The following SLC29A4 variants were observed in gnomAD, a reference collection of about 807,000 sequenced individuals.
SLC29A4 encodes solute carrier family 29 member 4.
SLC29A4 carries 36 observed loss-of-function variants against 43.9 expected under a neutral mutation model. The observed-to-expected ratio is 0.82, with a 90% CI of 0.63 to 1.08. The LOEUF is 1.08. Ranked by LOEUF, SLC29A4 falls within the 50% of genes least tolerant of loss-of-function variation. The probability of loss-of-function intolerance (pLI) is 0.00; values close to 1 mark genes in which losing one functional copy is unlikely to be tolerated. For missense variants in SLC29A4, 869 were observed against 755.3 expected (o/e 1.15, Z -1.77); for synonymous variants, 491 against 338.0 (o/e 1.45, Z -4.97).
intron 6 of SLC29A4, 64 bp downstream of exon 6, chr7:5,294,998 C>G (rs967656999): frequency 7.1e-7 from 1 of 1,404,432 alleles, no homozygotes; most frequent in Non-Finnish European, 9.7e-7. Flanking sequence ...GAAGCTTCTT[C>G]CCAGGGACTC....
intron 7 of SLC29A4, among the ~76,000 whole-genome samples, chr7:5,297,862 G>T (rs866575579): frequency 2.0e-5 from 3 of 152,286 alleles, no homozygotes; most frequent in Non-Finnish European, 4.4e-5. Flanking sequence ...TAGCACAGAG[G>T]CACTGCCCCT....
In SLC29A4 at chr7:5,300,545, C is replaced by T. The variant is rs1328760738; in HGVS notation, c.1333C>T (p.His445Tyr). Residue 445 changes from histidine to tyrosine, a missense_variant, in exon 10 of 11, where the codon CAC (histidine) becomes TAC (tyrosine). Physicochemically the swap from His to Tyr is moderately conservative, Grantham distance 83. Transcript: ENST00000396872. ...VYPSGMPALR[H>Y]PAWPCIFSLL... ...CCCCAGCGGCATGCCCGCCCTCCGT[C>T]ACCCCGCCTGGCCCTGCATCTTCTC... 6.2e-7 allele frequency: 1 copy of T among 1,612,368 alleles called. No homozygotes were observed. The highest frequency in any genetic ancestry group is 8.5e-7 in the Non-Finnish European group (1 of 1,179,754).
chr7:5,289,838 A>G (rs1192857670), intron 2 of SLC29A4, among the ~76,000 whole-genome samples: 1 of 152,112 alleles, frequency 6.6e-6, no homozygotes, highest in Non-Finnish European at 1.5e-5. Flanking sequence ...CCCCTTCCCC[A>G]GAAGGACAGG....
chr7:5,287,456 C>T (rs111423786), intron 1 of SLC29A4, among the ~76,000 whole-genome samples: 8 of 151,594 alleles, frequency 5.3e-5, no homozygotes, highest in African/African-American at 1.9e-4. Flanking sequence ...TACCAGGTGA[C>T]ATTGCTTATC....
At chr7:5,283,874 T>C (rs1182572617) in intron 1 of SLC29A4, among the ~76,000 whole-genome samples, 4 of 152,214 alleles carry the variant, frequency 2.6e-5, no homozygotes, top group Non-Finnish European at 5.9e-5. Context: ...CCTTCCTGGC[T>C]GGCCGGAGGA....
intron 1 of SLC29A4, among the ~76,000 whole-genome samples, chr7:5,285,150 A>G (rs940818632): frequency 6.6e-5 from 10 of 151,952 alleles, no homozygotes; most frequent in Non-Finnish European, 1.3e-4. Context: ...ACGACTCTTG[A>G]GCTCAGGCTC....
intron 10 of SLC29A4, among the ~76,000 whole-genome samples, chr7:5,301,869 G>A (rs1786190893): frequency 1.3e-5 from 2 of 152,190 alleles, no homozygotes; most frequent in African/African-American, 4.8e-5. Flanking sequence ...TTGGGGTTGG[G>A]TTTGGGACTT....
In SLC29A4 at chr7:5,302,998, G is replaced by A. The variant is rs1247304113; in HGVS notation, c.*59G>A. 4.5e-6 allele frequency: 7 copies of A among 1,558,256 alleles called. No homozygotes were observed. The South Asian group carries it at 7.0e-5, about 16-fold the overall frequency. ...CCTGACCAGGGGCCCCGAGGCCTGA[G>A]GGCCCCTCCCCTGTCCCCACCTCAG... is the stretch of plus-strand genomic sequence containing the variant. On this transcript the variant is annotated 3_prime_UTR_variant, in exon 11 of 11. Coordinates refer to ENST00000396872, the MANE Select transcript of SLC29A4 (RefSeq NM_153247.4).
intron 5 of SLC29A4, 25 bp downstream of exon 5, chr7:5,291,846 G>T (rs113364007): frequency 2.5e-6 from 4 of 1,604,772 alleles, no homozygotes; most frequent in Non-Finnish European, 3.4e-6. Context: ...CCAAGGGGGA[G>T]GCCTTGAGTG....
intron 5 of SLC29A4, among the ~76,000 whole-genome samples, chr7:5,294,265 A>G (rs1394309359): frequency 2.6e-5 from 4 of 152,154 alleles, no homozygotes; most frequent in African/African-American, 4.8e-5. Flanking sequence ...TTAGTTAGAC[A>G]AAGACTGCCC....
rs369815829 is a variant in SLC29A4 at position 5,290,766 on chromosome 7, C to T, written c.204C>T (p.His68=). The change falls in exon 3 of 11, where the codon CAC becomes CAT. Residue 68 remains histidine (H), a synonymous_variant. Coordinates refer to ENST00000396872, the MANE Select transcript of SLC29A4 (RefSeq NM_153247.4). ...LDEPVPDDRY[H]AIYFAMLLAG... is the part of the protein sequence containing the mutation. ...AGCCAGTGCCCGATGACCGTTATCA[C>T]GCCATCTACTTTGCGATGCTGCTGG... The T allele has an allele frequency of 5.9e-5, 96 of 1,613,926 alleles. No individual in the cohort carries two copies. The Admixed American group carries it at 6.5e-4, about 11-fold the overall frequency.
chr7:5,303,129 G>A lies in SLC29A4; in HGVS notation c.*190G>A. On this transcript the variant is annotated 3_prime_UTR_variant, in exon 11 of 11. Transcript: ENST00000396872. ...GTTCTGCAAAGTCCTCCGAGGACCG[G>A]AACACGTTTCTGCGACCCGGGGCTC... The A allele has an allele frequency of 1.4e-6, 1 of 691,746 alleles. No homozygotes were observed. Among genetic ancestry groups the A allele is most frequent in the Non-Finnish European group, 2.4e-6 (1 of 421,302 alleles). 42.9% of individuals were successfully genotyped at this position (691,746 alleles called of 1,614,324 possible). A position where few individuals can be genotyped will look rare whatever the true frequency, so the allele number is the denominator to read the frequency against.
chr7:5,285,444 G>A (rs1784888197), intron 1 of SLC29A4, among the ~76,000 whole-genome samples: 1 of 152,256 alleles, frequency 6.6e-6, no homozygotes, highest in Admixed American at 6.5e-5. Flanking sequence ...CCAGCTGTCA[G>A]GGGCTGAATC....
intron 3 of SLC29A4, 81 bp downstream of exon 3, chr7:5,290,944 G>C (rs1583656568): frequency 1.3e-6 from 2 of 1,554,646 alleles, no homozygotes; most frequent in East Asian, 4.5e-5. Context: ...CCGGCGGGGA[G>C]GGTCCTACAC....
intron 6 of SLC29A4, among the ~76,000 whole-genome samples, chr7:5,295,310 C>T (rs1372574879): frequency 6.6e-6 from 1 of 152,092 alleles, no homozygotes; most frequent in Non-Finnish European, 1.5e-5. Context: ...TCACACCATG[C>T]CTACAGCACC....
chr7:5,286,489 C>T (rs1053492267), intron 1 of SLC29A4, among the ~76,000 whole-genome samples: 1 of 150,826 alleles, frequency 6.6e-6, no homozygotes, highest in African/African-American at 2.5e-5. Context: ...CTCCACTGCA[C>T]TCCAGCCTGG....
chr7:5,291,641 G>T (rs1033842569), intron 4 of SLC29A4, 52 bp from the exon 5 acceptor site: 91 of 1,538,064 alleles, frequency 5.9e-5, no homozygotes, highest in Non-Finnish European at 7.7e-5. Context: ...GGAGGAGGGG[G>T]ACCCCACCCA....
At chr7:5,283,873 C>T (rs1437341161) in intron 1 of SLC29A4, among the ~76,000 whole-genome samples, 1 of 152,190 alleles carries the variant, frequency 6.6e-6, no homozygotes, top group African/African-American at 2.4e-5. Flanking sequence ...TCCTTCCTGG[C>T]TGGCCGGAGG....
intron 9 of SLC29A4, 42 bp downstream of exon 9, chr7:5,299,469 G>T (rs1445106583): frequency 1.9e-6 from 3 of 1,584,464 alleles, no homozygotes; most frequent in Non-Finnish European, 2.6e-6. Flanking sequence ...ACGCCATGGG[G>T]TGGGGGTGAC....
Sources: gnomAD v4.1 joint callset for allele counts (sites outside exome capture counted in the v4.1 genomes callset) on GRCh38, gnomAD v4.1.1 for gene constraint, MANE v1.5 for transcripts, NCBI Gene and HGNC (gene_info 2026-07-23, HGNC 2026-07-21) for gene names.